Variants in ZNF596 observed in about 807,000 individuals in gnomAD.
The protein encoded by ZNF596 is zinc finger protein 596.
A neutral mutation model predicts 48.3 loss-of-function variants in ZNF596; 45 were observed. The observed-to-expected ratio is 0.93, with a 90% CI of 0.73 to 1.19. The LOEUF (loss-of-function observed/expected upper bound fraction) is 1.19. ZNF596 is among the 50% of genes most tolerant of loss of function. The probability of loss-of-function intolerance (pLI) is 0.00; values close to 1 mark genes in which losing one functional copy is unlikely to be tolerated. For synonymous variants in ZNF596, 270 were observed against 202.0 expected, an observed-to-expected ratio of 1.34 and a Z score of -2.85; for missense variants, 848 against 599.7, an observed-to-expected ratio of 1.41 and a Z score of -4.32.
At position 246,621 on chromosome 8, in the gene ZNF596, T is replaced by G. The variant is rs990213126; in HGVS notation, c.*259T>G. 29 of 348,868 alleles carry G rather than the reference T, an allele frequency of 8.3e-5. 2 individuals carry two copies. The highest frequency in any genetic ancestry group is 6.4e-4 in the Admixed American group (15 of 23,418). 21.6% of individuals were successfully genotyped at this position (348,868 alleles called of 1,614,324 possible). A position where few individuals can be genotyped will look rare whatever the true frequency, so the allele number is the denominator to read the frequency against. On this transcript the variant is annotated 3_prime_UTR_variant, in exon 6 of 6. Transcript: ENST00000398612. The stretch of plus-strand genomic sequence containing the variant: ...GAGGAGTCTTCATCCACAGCTCTGT[T>G]AAATAAATGGGAGAAATCACATCAC...
At chr8:235,458 G>A (rs1796580905) in intron 1 of ZNF596, among the ~76,000 whole-genome samples, 1 of 151,598 alleles carries the variant, frequency 6.6e-6, no homozygotes, top group Admixed American at 6.6e-5. Flanking sequence ...ACTTTAACCA[G>A]AACTTGATAC....
In ZNF596 at chr8:243,775, C is replaced by A; in HGVS notation, c.193C>A (p.Leu65Ile). 2 of 1,613,724 alleles carry A rather than the reference C, an allele frequency of 1.2e-6. No homozygotes were observed. Among genetic ancestry groups the A allele is most frequent in the Non-Finnish European group, 8.5e-7 (1 of 1,179,810 alleles). ...VLSQLEQVEK[L>I]STQRISLLQG... ...TTCCCAATTGGAGCAAGTAGAGAAACTTTCAACACAAAGAATAAGCTTACT... is the reference window on the plus strand; with the variant it reads ...TTCCCAATTGGAGCAAGTAGAGAAAATTTCAACACAAAGAATAAGCTTACT... Residue 65 changes from leucine to isoleucine, a missense_variant, in exon 4 of 6, where the codon CTT becomes ATT. By Grantham distance (5) the Leu-to-Ile change is conservative. Transcript: ENST00000398612.
Position 247,116 on chromosome 8 carries a change from G to C in ZNF596, c.*754G>C, listed in dbSNP as rs1797122318. On this transcript the variant is annotated 3_prime_UTR_variant, in exon 6 of 6. Coordinates refer to ENST00000398612, the MANE Select transcript of ZNF596 (RefSeq NM_001042416.3). The stretch of plus-strand genomic sequence containing the variant: ...TTCAGGCAGCTTTTATGTCAAAAAA[G>C]TGAGACAGGGATGAAAACTCTAAAA... The C allele has an allele frequency of 6.6e-6, 1 of 152,144 alleles. No homozygotes were observed. Among genetic ancestry groups the C allele is most frequent in the African/African-American group, 2.4e-5 (1 of 41,448 alleles). The allele number at this position is 152,144 out of a possible 1,614,324, so 9.4% of individuals were successfully genotyped here.
At chr8:237,059 A>C (rs531972556) in intron 1 of ZNF596, 1 of 151,648 alleles carries the variant, frequency 6.6e-6, no homozygotes, top group African/African-American at 2.4e-5. Flanking sequence ...TTGGCTAATC[A>C]GATTTTTGTG....
upstream of ZNF596, chr8:232,415 G>C: frequency 4.3e-6 from 1 of 232,530 alleles, no homozygotes. Flanking sequence ...GGTCCGCTCG[G>C]GTGAGTGCCC....
chr8:238,971 A>C (rs1273561336), intron 1 of ZNF596, among the ~76,000 whole-genome samples: 1 of 152,132 alleles, frequency 6.6e-6, no homozygotes, highest in South Asian at 2.1e-4. Flanking sequence ...AACCATAATA[A>C]AAGAATCAAA....
intron 1 of ZNF596, chr8:233,093 C>T (rs1195561955): frequency 4.3e-6 from 2 of 467,936 alleles, no homozygotes; most frequent in African/African-American, 2.1e-5. Flanking sequence ...GGAGGTAGAG[C>T]CAACGAGCGA....
intron 2 of ZNF596, among the ~76,000 whole-genome samples, chr8:241,579 T>C (rs1796855389): frequency 6.6e-6 from 1 of 152,242 alleles, no homozygotes; most frequent in Admixed American, 6.5e-5. Context: ...TCTTTAATTT[T>C]GGTTGTGCAT....
At position 242,894 on chromosome 8, in the gene ZNF596, T is replaced by G; in HGVS notation, c.20T>G (p.Met7Arg). MPSPDS[M>R]TFEDIIVDFT... ...ATGTCCATAATGTTTTAGGATTCCATGACCTTCGAGGATATCATTGTAGAC... is the reference window on the plus strand; with the variant it reads ...ATGTCCATAATGTTTTAGGATTCCAGGACCTTCGAGGATATCATTGTAGAC... The change falls in exon 3 of 6, where the codon ATG (methionine) becomes AGG (arginine). Residue 7 changes from methionine to arginine, a missense_variant. Transcript: ENST00000398612. 6.4e-7 allele frequency: 1 copy of G among 1,557,808 alleles called. No homozygotes were observed. Among genetic ancestry groups the G allele is most frequent in the Non-Finnish European group, 8.7e-7 (1 of 1,144,434 alleles).
At position 232,591 on chromosome 8, in the gene ZNF596, C is replaced by T; in HGVS notation, c.-176C>T. ...GCTCCGAAGCCTGTCGCCCAGCTGC[C>T]AGATCTGCGTCTGTGTCCGGTTCCG... On this transcript the variant is annotated 5_prime_UTR_variant, in exon 1 of 6. An upstream open reading frame in the 5' UTR gains an earlier in-frame stop. Coordinates refer to ENST00000398612, the MANE Select transcript of ZNF596 (RefSeq NM_001042416.3). 3.1e-6 allele frequency: 1 copy of T among 322,116 alleles called. No individual in the cohort carries two copies. The allele number at this position is 322,116 out of a possible 1,614,324, so 20.0% of individuals were successfully genotyped here.
Position 246,407 on chromosome 8 carries a change from C to T in ZNF596, c.*45C>T, listed in dbSNP as rs975436380. 3 of 1,526,380 alleles carry T rather than the reference C, an allele frequency of 2.0e-6. No individual in the cohort carries two copies. Among genetic ancestry groups the T allele is most frequent in the African/African-American group, 2.8e-5 (2 of 71,822 alleles). The allele number at this position is 1,526,380 out of a possible 1,614,324, so 94.6% of individuals were successfully genotyped here. A position where few individuals can be genotyped will look rare whatever the true frequency, so the allele number is the denominator to read the frequency against. ...TAACACTAAATACACCAAGGACAAACATACTACAGGAATATTATGTCTGTA... is the reference window on the plus strand; with the variant it reads ...TAACACTAAATACACCAAGGACAAATATACTACAGGAATATTATGTCTGTA... On this transcript the variant is annotated 3_prime_UTR_variant, in exon 6 of 6. Coordinates refer to ENST00000398612, the MANE Select transcript of ZNF596 (RefSeq NM_001042416.3).
chr8:238,628 C>CA (rs1167168569), intron 1 of ZNF596, among the ~76,000 whole-genome samples: 4,301 of 39,650 alleles, frequency 0.11, 317 homozygotes, highest in African/African-American at 0.15. Context: ...TGGTGAAATA[C>CA]AAAAAAAAAA....
In ZNF596 at chr8:240,919, ATTC is replaced by A. The variant is rs760670216; in HGVS notation, c.12+18_12+20del. 6 of 1,613,944 alleles carry A rather than the reference ATTC, an allele frequency of 3.7e-6. No homozygotes were observed. The highest frequency in any genetic ancestry group is 2.7e-5 in the African/African-American group (2 of 74,894). On this transcript the variant is annotated intron_variant, in intron 2 of 5. Transcript: ENST00000398612. ...CAATGCCATCACCGGTGAGTGGGAA[ATTC>A]TTCTTTCTACTGAAATTTGTACCCC...
chr8:232,740 C>G, intron 1 of ZNF596, 46 bp downstream of exon 1: 1 of 408,104 alleles, frequency 2.5e-6, no homozygotes, highest in East Asian at 7.1e-5. Flanking sequence ...CCCACCCTCG[C>G]CCCTCTTGGC....
chr8:240,910 G>A lies in ZNF596; in HGVS notation c.12+3G>A, dbSNP rs1408906037. The A allele has an allele frequency of 1.2e-6, 2 of 1,613,994 alleles. No individual in the cohort carries two copies. Among genetic ancestry groups the A allele is most frequent in the African/African-American group, 1.3e-5 (1 of 74,920 alleles). On this transcript the variant is annotated splice_donor_region_variant and intron_variant, in intron 2 of 5. Transcript: ENST00000398612. Reference sequence around the variant, plus strand: ...GAGCTAGTACAATGCCATCACCGGTGAGTGGGAAATTCTTCTTTCTACTGA... The same window carrying A: ...GAGCTAGTACAATGCCATCACCGGTAAGTGGGAAATTCTTCTTTCTACTGA...
In ZNF596 at chr8:246,269, A is replaced by G. The variant is rs1797084583; in HGVS notation, c.1422A>G (p.Pro474=). The part of the protein sequence containing the change: ...LHRRVHTGEK[P]YVCPLCGKAF... Reference sequence around the variant, plus strand: ...GAAGAGTTCACACTGGAGAGAAACCATATGTATGTCCTCTATGTGGGAAAG... The same window carrying G: ...GAAGAGTTCACACTGGAGAGAAACCGTATGTATGTCCTCTATGTGGGAAAG... The change falls in exon 6 of 6, where the codon CCA becomes CCG. Residue 474 remains proline, a synonymous_variant. Coordinates refer to ENST00000398612, the MANE Select transcript of ZNF596 (RefSeq NM_001042416.3). 4.3e-6 allele frequency: 7 copies of G among 1,613,086 alleles called. No individual in the cohort carries two copies. The highest frequency in any genetic ancestry group is 2.2e-5 in the South Asian group (2 of 90,890).
rs1466644858 is a variant in ZNF596 at position 245,423 on chromosome 8, G to A, written c.576G>A (p.Glu192=). Residue 192 remains glutamate, a synonymous_variant, in exon 6 of 6, where the codon GAG becomes GAA. Coordinates refer to ENST00000398612, the MANE Select transcript of ZNF596 (RefSeq NM_001042416.3). The part of the protein sequence containing the change: ...LRPHSVTHTR[E]ITLECRVCGK... ...CACACAGTGTGACTCACACTAGAGAGATAACATTGGAATGTCGTGTGTGTG... is the reference window on the plus strand; with the variant it reads ...CACACAGTGTGACTCACACTAGAGAAATAACATTGGAATGTCGTGTGTGTG... 6.2e-7 allele frequency: 1 copy of A among 1,614,182 alleles called. No homozygotes were observed. Among genetic ancestry groups the A allele is most frequent in the East Asian group, 2.2e-5 (1 of 44,880 alleles).
At chr8:243,579 G>C (rs1796939138) in intron 3 of ZNF596, 143 bp from the exon 4 acceptor site, 2 of 671,930 alleles carry the variant, frequency 3.0e-6, no homozygotes, top group Admixed American at 5.2e-5. Context: ...GTGAAGGACT[G>C]TCAATGTTGT....
chr8:235,660 C>T (rs1367926645), intron 1 of ZNF596, among the ~76,000 whole-genome samples: 9 of 152,110 alleles, frequency 5.9e-5, no homozygotes, highest in South Asian at 2.1e-4. Flanking sequence ...ATTATATGTA[C>T]GCACACACAA....
Sources: allele counts gnomAD v4.1 joint callset (sites outside exome capture counted in the v4.1 genomes callset), GRCh38; gene constraint gnomAD v4.1.1; transcripts MANE v1.5; gene names NCBI Gene and HGNC (gene_info 2026-07-23, HGNC 2026-07-21).